Variants in NR4A1 observed in about 807,000 individuals in gnomAD.
NR4A1 encodes the protein nuclear receptor subfamily 4 group A member 1.
NR4A1 carries 24 observed loss-of-function variants against 47.5 expected under a neutral mutation model. The observed-to-expected ratio is 0.50, with a 90% CI of 0.37 to 0.71. The LOEUF (loss-of-function observed/expected upper bound fraction) is 0.71, where lower values mean the gene tolerates loss of function less well. NR4A1 is among the 30% of genes least tolerant of loss of function. NR4A1 has a pLI of 0.00. For missense variants in NR4A1, 669 were observed against 788.6 expected (o/e 0.85, Z 1.82); for synonymous variants, 353 against 345.7 (o/e 1.02, Z -0.24).
At chr12:52,047,609 G>A (rs1938704334), upstream of NR4A1, among the ~76,000 whole-genome samples, 3 of 152,214 alleles carry the variant, frequency 2.0e-5, no homozygotes, top group African/African-American at 7.2e-5. Flanking sequence ...CCAGGCTTTG[G>A]GGCAGCAGGA....
chr12:52,027,785 G>A (rs997799818), intron 1 of NR4A1, among the ~76,000 whole-genome samples: 2 of 152,222 alleles, frequency 1.3e-5, no homozygotes, highest in Non-Finnish European at 2.9e-5. Flanking sequence ...CCACTGCAGA[G>A]GGCAGAGCCA....
chr12:52,034,172 C>CTCT (rs1938189075), intron 1 of NR4A1, among the ~76,000 whole-genome samples: 1 of 152,222 alleles, frequency 6.6e-6, no homozygotes, highest in Non-Finnish European at 1.5e-5. Flanking sequence ...AGTGCCTTTT[C>CTCT]TCTATACCCT....
At chr12:52,034,874 A>G in intron 1 of NR4A1, among the ~76,000 whole-genome samples, 1 of 152,206 alleles carries the variant, frequency 6.6e-6, no homozygotes, top group Non-Finnish European at 1.5e-5. Context: ...CTGTATGGAA[A>G]TGGCAGATCT....
At chr12:52,041,732 G>A (rs965249756) in intron 1 of NR4A1, 19 of 1,241,690 alleles carry the variant, frequency 1.5e-5, no homozygotes, top group East Asian at 6.2e-5. Context: ...CCATTCCTGC[G>A]TGTCCTGGGC....
intron 1 of NR4A1, chr12:52,038,847 A>C (rs1938336036): frequency 4.3e-6 from 3 of 705,034 alleles, no homozygotes; most frequent in Non-Finnish European, 7.8e-6. Context: ...TCAGCTGAGG[A>C]GTTCAGGCCC....
At chr12:52,051,397 C>T (rs1938930016), upstream of NR4A1, 1 of 985,418 alleles carries the variant, frequency 1.0e-6, no homozygotes, top group African/African-American at 1.7e-5. Flanking sequence ...CGCCCCTCCC[C>T]GTGCGTCACG....
intron 1 of NR4A1, among the ~76,000 whole-genome samples, chr12:52,033,151 G>A (rs1446831585): frequency 2.6e-5 from 4 of 152,190 alleles, no homozygotes; most frequent in African/African-American, 9.6e-5. Flanking sequence ...ACTGGCTAGT[G>A]ACGTAGCGGC....
At chr12:52,033,130 GCTCCCTCCGGA>G (rs1160719133) in intron 1 of NR4A1, among the ~76,000 whole-genome samples, 2 of 152,210 alleles carry the variant, frequency 1.3e-5, no homozygotes, top group African/African-American at 4.8e-5. Context: ...ACCTGCTGCG[GCTCCCTCCGGA>G]CTGGCTAGTG....
At chr12:52,034,543 G>C (rs1054599965) in intron 1 of NR4A1, among the ~76,000 whole-genome samples, 1 of 152,206 alleles carries the variant, frequency 6.6e-6, no homozygotes, top group African/African-American at 2.4e-5. Context: ...CTGTAGAAAG[G>C]AGAGGAATTA....
intron 2 of NR4A1, among the ~76,000 whole-genome samples, chr12:52,042,450 G>C (rs1010896711): frequency 1.3e-5 from 2 of 152,150 alleles, no homozygotes; most frequent in Non-Finnish European, 2.9e-5. Context: ...TGGAGTCTGT[G>C]GTGTCGGGGG....
chr12:52,056,989 A>G (rs936110349), intron 4 of NR4A1, 68 bp from the exon 5 acceptor site: 22 of 1,411,032 alleles, frequency 1.6e-5, no homozygotes, highest in Non-Finnish European at 2.9e-6. Context: ...AGTGTCTGAC[A>G]CAGCCATACG....
At chr12:52,051,595 C>T (rs1025739296) in intron 1 of NR4A1, 27 bp downstream of exon 1, 7 of 985,600 alleles carry the variant, frequency 7.1e-6, no homozygotes, top group Non-Finnish European at 8.4e-6. Flanking sequence ...GAACGTGCAT[C>T]TGTTTTTAGG....
At chr12:52,051,025 G>T (rs866838199), upstream of NR4A1, among the ~76,000 whole-genome samples, 4 of 152,274 alleles carry the variant, frequency 2.6e-5, no homozygotes, top group Middle Eastern at 0.014. Context: ...GAAGCCCCGC[G>T]GCCGCGTCTC....
At chr12:52,023,139 G>A (rs927564019) in intron 1 of NR4A1, among the ~76,000 whole-genome samples, 5 of 152,244 alleles carry the variant, frequency 3.3e-5, no homozygotes, top group Admixed American at 3.3e-4. Flanking sequence ...TTGGGGCTCA[G>A]CTTGGAGAGA....
At chr12:52,030,550 T>C (rs1395356325) in intron 1 of NR4A1, among the ~76,000 whole-genome samples, 1 of 152,214 alleles carries the variant, frequency 6.6e-6, no homozygotes, top group Non-Finnish European at 1.5e-5. Flanking sequence ...TGCCTCAGCC[T>C]CCTGAGTAGC....
intron 2 of NR4A1, among the ~76,000 whole-genome samples, chr12:52,046,315 AG>A (rs1938636158): frequency 6.6e-6 from 1 of 152,194 alleles, no homozygotes; most frequent in African/African-American, 2.4e-5. Context: ...GGATGCACAA[AG>A]GATCTTCCCA....
In NR4A1 at chr12:52,054,187, C is replaced by G. The variant is rs1806705676; in HGVS notation, c.-2-140C>G. ...CCAGGGGTCAGGATTCCTGGGTGCT[C>G]TGGTCCCGGTGCCTCTGTCTCATCT... is the stretch of plus-strand genomic sequence containing the variant. On this transcript the variant is annotated intron_variant, in intron 1 of 6. Coordinates refer to ENST00000394825, the MANE Select transcript of NR4A1 (RefSeq NM_173157.3). 4 of 707,520 alleles carry G rather than the reference C, an allele frequency of 5.7e-6. No homozygotes were observed. The East Asian group carries it at 8.2e-5, about 14-fold the overall frequency. The allele number at this position is 707,520 out of a possible 1,614,324, so 43.8% of individuals were successfully genotyped here.
At chr12:52,055,974 T>TGCCCCCC in intron 2 of NR4A1, 56 bp from the exon 3 acceptor site, 2 of 516,352 alleles carry the variant, frequency 3.9e-6, no homozygotes, top group East Asian at 5.1e-5. Context: ...TCCCCTAAGT[T>TGCCCCCC]CCCCCCTCCC....
At chr12:52,032,025 G>A (rs1250042266) in intron 1 of NR4A1, among the ~76,000 whole-genome samples, 4 of 152,102 alleles carry the variant, frequency 2.6e-5, no homozygotes, top group African/African-American at 9.6e-5. Context: ...GGAACTCCCG[G>A]CCTCAAGTGA....
Sources: gnomAD v4.1 joint callset for allele counts (sites outside exome capture counted in the v4.1 genomes callset) on GRCh38, gnomAD v4.1.1 for gene constraint, MANE v1.5 for transcripts, NCBI Gene and HGNC (gene_info 2026-07-23, HGNC 2026-07-21) for gene names.